PDZD2: variants seen among roughly 807,000 people sequenced by gnomAD.
PDZD2 encodes the protein PDZ domain containing 2.
Under a neutral mutation model 220.7 loss-of-function variants are expected in PDZD2, and 90 were observed. The observed-to-expected ratio is 0.41, with a 90% CI of 0.34 to 0.49. The LOEUF (loss-of-function observed/expected upper bound fraction) is 0.49. Ranked by LOEUF, PDZD2 falls within the 20% of genes least tolerant of loss-of-function variation. The pLI is 0.28. For missense variants in PDZD2, 3,174 were observed against 3,608.5 expected (o/e 0.88, Z 3.08); for synonymous variants, 1,375 against 1,450.5 (o/e 0.95, Z 1.18).
intron 2 of PDZD2, among the ~76,000 whole-genome samples, chr5:31,894,239 A>G (rs55902026): frequency 0.068 from 10,293 of 151,922 alleles, 415 homozygotes; most frequent in Middle Eastern, 0.11. Flanking sequence ...AGGGTGCTCT[A>G]TATTAGTGGA....
At chr5:31,887,000 CTG>C (rs1270910946) in intron 2 of PDZD2, among the ~76,000 whole-genome samples, 1 of 152,178 alleles carries the variant, frequency 6.6e-6, no homozygotes, top group African/African-American at 2.4e-5. Flanking sequence ...CGCCTGGTCT[CTG>C]TACTTATCTC....
Position 32,039,797 on chromosome 5 carries a change from G to A in PDZD2, c.1519+2455G>A, listed in dbSNP as rs557336441. On this transcript the variant is annotated intron_variant, in intron 7 of 24. Transcript: ENST00000438447. ...GAGCGTCTCTGCCGGACTGCCCATC[G>A]TCTGGGATGTGAGGAGCGCCTCTGC... is the stretch of plus-strand genomic sequence containing the variant. Among the ~76,000 whole-genome samples the A allele has an allele frequency of 2.2e-4, 32 of 148,298 alleles. No individual in the cohort carries two copies. In the East Asian group the frequency reaches 4.5e-3, roughly 21 times the overall value.
At chr5:31,764,326 G>T (rs1013417427) in intron 1 of PDZD2, among the ~76,000 whole-genome samples, 5 of 152,036 alleles carry the variant, frequency 3.3e-5, no homozygotes, top group African/African-American at 4.8e-5. Context: ...CGTCCTTCAC[G>T]CCCCTTCATC....
intron 14 of PDZD2, among the ~76,000 whole-genome samples, chr5:32,069,161 G>A (rs1258328710): frequency 6.6e-6 from 1 of 151,730 alleles, no homozygotes; most frequent in Non-Finnish European, 1.5e-5. Context: ...AGCTACTTGG[G>A]AGGCTGAGGC....
At chr5:31,810,458 G>T (rs532881222) in intron 2 of PDZD2, among the ~76,000 whole-genome samples, 2 of 152,010 alleles carry the variant, frequency 1.3e-5, no homozygotes, top group Non-Finnish European at 1.5e-5. Flanking sequence ...GTAGAGACGG[G>T]GTTTCACTGT....
At chr5:31,687,503 C>T (rs910217290) in intron 1 of PDZD2, among the ~76,000 whole-genome samples, 3 of 152,236 alleles carry the variant, frequency 2.0e-5, no homozygotes, top group Middle Eastern at 3.4e-3. Flanking sequence ...TAGCATGCAC[C>T]TCCAAACTCT....
At chr5:31,641,568 G>T (rs1580504474) in intron 1 of PDZD2, among the ~76,000 whole-genome samples, 5 of 151,348 alleles carry the variant, frequency 3.3e-5, no homozygotes, top group East Asian at 1.9e-4. Flanking sequence ...TTGAGACTGG[G>T]TCTCATTGTT....
rs1582953 is a variant in PDZD2 at position 31,764,030 on chromosome 5, G to A, written c.-360-34859G>A. On this transcript the variant is annotated intron_variant, in intron 1 of 24. Coordinates refer to ENST00000438447, the MANE Select transcript of PDZD2 (RefSeq NM_178140.4). ...GCCGTGGAATTCCTCTGGAAGACAA[G>A]CTGCAGAACTGCAGGAGAGGGCACC... Among the ~76,000 whole-genome samples the A allele has an allele frequency of 9.2e-3, 1,395 of 152,258 alleles. 13 individuals carry two copies. The highest frequency in any genetic ancestry group is 0.038 in the East Asian group (198 of 5,172).
intron 2 of PDZD2, among the ~76,000 whole-genome samples, chr5:31,886,761 G>A (rs1463245396): frequency 4.0e-5 from 6 of 151,574 alleles, no homozygotes; most frequent in East Asian, 1.9e-4. Flanking sequence ...GCAGTGGTGC[G>A]ATCTCGGCTC....
At chr5:31,664,127 T>C (rs1022970498) in intron 1 of PDZD2, among the ~76,000 whole-genome samples, 2 of 152,164 alleles carry the variant, frequency 1.3e-5, no homozygotes, top group African/African-American at 2.4e-5. Flanking sequence ...ATTAGGGTAA[T>C]GATAGTTGCT....
chr5:31,916,509 C>T (rs544777925), intron 2 of PDZD2, among the ~76,000 whole-genome samples: 148 of 152,386 alleles, frequency 9.7e-4, no homozygotes, highest in Non-Finnish European at 1.6e-3. Flanking sequence ...CCCAGCCCAG[C>T]AAGTGAGGCC....
intron 13 of PDZD2, among the ~76,000 whole-genome samples, chr5:32,060,709 G>C (rs1264490043): frequency 1.4e-5 from 2 of 146,518 alleles, no homozygotes; most frequent in Non-Finnish European, 3.0e-5. Context: ...CTGGCATATA[G>C]TATATGCTCA....
chr5:31,813,475 A>T (rs1755253648), intron 2 of PDZD2, among the ~76,000 whole-genome samples: 1 of 146,798 alleles, frequency 6.8e-6, no homozygotes, highest in African/African-American at 2.5e-5. Flanking sequence ...AAAAAAAAAA[A>T]TCTAAATATT....
intron 1 of PDZD2, among the ~76,000 whole-genome samples, chr5:31,734,269 A>G (rs980216057): frequency 6.6e-6 from 1 of 152,082 alleles, no homozygotes; most frequent in African/African-American, 2.4e-5. Flanking sequence ...AAACCTCTGA[A>G]TGTTCAGCAA....
intron 2 of PDZD2, among the ~76,000 whole-genome samples, chr5:31,850,373 T>C (rs1303405297): frequency 7.1e-6 from 1 of 141,736 alleles, no homozygotes; most frequent in Non-Finnish European, 1.6e-5. Context: ...TACATTCTCA[T>C]GGCACCTTGT....
At chr5:31,825,095 G>A (rs1187568169) in intron 2 of PDZD2, among the ~76,000 whole-genome samples, 1 of 152,126 alleles carries the variant, frequency 6.6e-6, no homozygotes, top group Non-Finnish European at 1.5e-5. Flanking sequence ...CACCCACCAG[G>A]GATAGATAGA....
intron 19 of PDZD2, among the ~76,000 whole-genome samples, chr5:32,085,932 G>T (rs1040426579): frequency 1.3e-5 from 2 of 151,888 alleles, no homozygotes; most frequent in South Asian, 2.1e-4. Flanking sequence ...GATGACTTTG[G>T]GTAGTATGGA....
At chr5:32,060,068 T>G (rs565973596) in intron 13 of PDZD2, among the ~76,000 whole-genome samples, 1 of 152,324 alleles carries the variant, frequency 6.6e-6, no homozygotes, top group East Asian at 1.9e-4. Context: ...TTCCAAGTCC[T>G]TTAGTGGTTA....
rs552128188 is a variant in PDZD2 at position 31,770,493 on chromosome 5, G to A, written c.-360-28396G>A. On this transcript the variant is annotated intron_variant, in intron 1 of 24. Transcript: ENST00000438447. ...GTAGCTGCCATCCCAGGTCACCCCT[G>A]AGTCACCCCCAGTTTCCAGTTCATT... 5.3e-5 allele frequency among the ~76,000 whole-genome samples: 8 copies of A among 152,310 alleles called. No individual in the cohort carries two copies. The East Asian group carries it at 1.3e-3, about 26-fold the overall frequency.
Sources: allele counts gnomAD v4.1 joint callset (sites outside exome capture counted in the v4.1 genomes callset), GRCh38; gene constraint gnomAD v4.1.1; transcripts MANE v1.5; gene names NCBI Gene and HGNC (gene_info 2026-07-23, HGNC 2026-07-21).